The following P4HB variants were observed in gnomAD, a reference collection of about 807,000 sequenced individuals.
P4HB encodes the protein protein disulfide-isomerase.
P4HB carries 20 observed loss-of-function variants against 52.6 expected under a neutral mutation model. That is an observed-to-expected ratio of 0.38 (90% CI 0.27 to 0.55). The LOEUF (loss-of-function observed/expected upper bound fraction) is 0.55, where lower values mean the gene tolerates loss of function less well. P4HB is among the 20% of genes least tolerant of loss of function. The pLI is 0.74. For missense variants in P4HB, 601 were observed against 669.2 expected (o/e 0.90, Z 1.12); for synonymous variants, 296 against 277.9 (o/e 1.07, Z -0.65).
At chr17:81,845,264 C>T in intron 9 of P4HB, 34 bp from the exon 10 acceptor site, 2 of 1,549,814 alleles carry the variant, frequency 1.3e-6, no homozygotes, top group Non-Finnish European at 1.8e-6. Context: ...AGGGGCTGGT[C>T]CCGGCCCAGA....
Position 81,855,677 on chromosome 17 carries a change from G to A in P4HB, c.353-91C>T. The A allele has an allele frequency of 6.9e-7, 1 of 1,450,776 alleles. No individual in the cohort carries two copies. Among genetic ancestry groups the A allele is most frequent in the South Asian group, 1.3e-5 (1 of 77,140 alleles). The allele number at this position is 1,450,776 out of a possible 1,614,324, so 89.9% of individuals were successfully genotyped here. Reference sequence around the variant, plus strand: ...TCCCGTCTCTGCTCTCTGCCAGCCAGGCTGAGGACACCTGAATCAACCTAA... The same window carrying A: ...TCCCGTCTCTGCTCTCTGCCAGCCAAGCTGAGGACACCTGAATCAACCTAA... On this transcript the variant is annotated intron_variant, in intron 2 of 10. Transcript: ENST00000331483. This position sits in a 1 kb window ranked among gnomAD's most constrained non-coding sequence, Gnocchi z 4.3.
chr17:81,859,699 G>T, intron 1 of P4HB: 1 of 425,478 alleles, frequency 2.4e-6, no homozygotes, highest in Non-Finnish European at 4.4e-6. Context: ...ACTAAGGCAA[G>T]GATCTCCCCT....
rs2038763184 is a variant in P4HB, at chr17:81,847,922, T to C, written c.625-575A>G. ...GTCTTGATCTTTTTTTTTTTTTTTT[T>C]GTGATGGAGTCTTGCTGTGTCTCCC... On this transcript the variant is annotated intron_variant, in intron 4 of 10. Coordinates refer to ENST00000331483, the MANE Select transcript of P4HB (RefSeq NM_000918.4). The C allele has an allele frequency of 2.6e-5, 4 of 152,956 alleles. No individual in the cohort carries two copies. The South Asian group carries it at 8.0e-4, about 31-fold the overall frequency. The allele number at this position is 152,956 out of a possible 1,614,324, so 9.5% of individuals were successfully genotyped here. A position where few individuals can be genotyped will look rare whatever the true frequency, so the allele number is the denominator to read the frequency against.
Position 81,855,041 on chromosome 17 carries a change from G to C in P4HB, c.624+101C>G, listed in dbSNP as rs368977368. 8.4e-7 allele frequency: 1 copy of C among 1,186,008 alleles called. No individual in the cohort carries two copies. The highest frequency in any genetic ancestry group is 1.2e-6 in the Non-Finnish European group (1 of 805,992). 73.5% of individuals were successfully genotyped at this position (1,186,008 alleles called of 1,614,324 possible). On this transcript the variant is annotated intron_variant, in intron 4 of 10. Coordinates refer to ENST00000331483, the MANE Select transcript of P4HB (RefSeq NM_000918.4). This position sits in a 1 kb window ranked among gnomAD's most constrained non-coding sequence, Gnocchi z 4.3. ...TGCAGAACATACCTATTGGGCCAAA[G>C]GTGCCAGGAGCAAGGTTCCCTTAAC...
chr17:81,860,137 C>G, intron 1 of P4HB, 190 bp downstream of exon 1: 1 of 437,410 alleles, frequency 2.3e-6, no homozygotes, highest in Non-Finnish European at 3.9e-6. Context: ...CGGGACGGCC[C>G]CCCGGCTCCC....
At chr17:81,854,217 C>T (rs571285920) in intron 4 of P4HB, among the ~76,000 whole-genome samples, 3 of 152,380 alleles carry the variant, frequency 2.0e-5, no homozygotes, top group Non-Finnish European at 4.4e-5. Flanking sequence ...TGCTGCAGGA[C>T]GCTCTGAATG....
intron 10 of P4HB, 91 bp downstream of exon 10, chr17:81,845,053 T>C: frequency 9.3e-7 from 1 of 1,076,900 alleles, no homozygotes; most frequent in Non-Finnish European, 1.4e-6. Context: ...AATGGCACCA[T>C]TCCCATCACA....
intron 10 of P4HB, among the ~76,000 whole-genome samples, chr17:81,844,821 G>A (rs2038707847): frequency 6.6e-6 from 1 of 152,272 alleles, no homozygotes; most frequent in South Asian, 2.1e-4. Context: ...GCGGGCTGGG[G>A]ATGGACCTCT....
chr17:81,850,147 T>C (rs1459868762), intron 4 of P4HB, among the ~76,000 whole-genome samples: 1 of 151,336 alleles, frequency 6.6e-6, no homozygotes, highest in East Asian at 1.9e-4. Context: ...TTATTTTTTT[T>C]TTGAGACGGA....
Position 81,855,036 on chromosome 17 carries a change from C to G in P4HB, c.624+106G>C, listed in dbSNP as rs556664846. 1 of 1,132,650 alleles carries G rather than the reference C, an allele frequency of 8.8e-7. No individual in the cohort carries two copies. Among genetic ancestry groups the G allele is most frequent in the Admixed American group, 1.8e-5 (1 of 56,078 alleles). The allele number at this position is 1,132,650 out of a possible 1,614,324, so 70.2% of individuals were successfully genotyped here. ...AAAGCTGCAGAACATACCTATTGGG[C>G]CAAAGGTGCCAGGAGCAAGGTTCCC... On this transcript the variant is annotated intron_variant, in intron 4 of 10. Coordinates refer to ENST00000331483, the MANE Select transcript of P4HB (RefSeq NM_000918.4). This position sits in a 1 kb window ranked among gnomAD's most constrained non-coding sequence, Gnocchi z 4.3.
chr17:81,855,288 G>A lies in P4HB; in HGVS notation c.487-9C>T, dbSNP rs766827221. The A allele has an allele frequency of 8.7e-6, 14 of 1,613,646 alleles. No homozygotes were observed. The highest frequency in any genetic ancestry group is 1.2e-5 in the Non-Finnish European group (14 of 1,179,986). On this transcript the variant is annotated splice_polypyrimidine_tract_variant and intron_variant, in intron 3 of 10. Transcript: ENST00000331483. The surrounding 1 kb of genome is among the most constrained non-coding windows in gnomAD (Gnocchi z 4.3). ...GAGTCCGACTCCACGTCCTGAATGA[G>A]GAGGGAGAAGCAGAGGTCGTCATGA... is the stretch of plus-strand genomic sequence containing the variant.
At chr17:81,860,013 G>A in intron 1 of P4HB, 1 of 242,384 alleles carries the variant, frequency 4.1e-6, no homozygotes, top group Non-Finnish European at 7.9e-6. Flanking sequence ...TTCCGGGTCG[G>A]CCCCCGGGGA....
At chr17:81,849,449 T>C (rs2143331931) in intron 4 of P4HB, among the ~76,000 whole-genome samples, 1 of 152,250 alleles carries the variant, frequency 6.6e-6, no homozygotes, top group Admixed American at 6.5e-5. Context: ...TGAGCCCAGA[T>C]CGTGCCACTG....
In P4HB at chr17:81,860,443, G is replaced by T; in HGVS notation, c.29C>A (p.Ala10Asp). 7.2e-7 allele frequency: 1 copy of T among 1,391,462 alleles called. No individual in the cohort carries two copies. Among genetic ancestry groups the T allele is most frequent in the Non-Finnish European group, 9.4e-7 (1 of 1,068,422 alleles). 86.2% of individuals were successfully genotyped at this position (1,391,462 alleles called of 1,614,324 possible). The part of the protein sequence containing the change: MLRRALLCL[A>D]VAALVRADAP... Reference sequence around the variant, plus strand: ...GTCGGCGCGCACCAGGGCGGCCACGGCCAGGCACAGCAGAGCGCGGCGCAG... The same window carrying T: ...GTCGGCGCGCACCAGGGCGGCCACGTCCAGGCACAGCAGAGCGCGGCGCAG... The change falls in exon 1 of 11, where the codon GCC becomes GAC. Residue 10 changes from alanine (A) to aspartate (D), a missense_variant. Ala to Asp is a moderately radical substitution (Grantham distance 126, BLOSUM62 -2). Transcript: ENST00000331483.
rs201407315 is a variant in P4HB at position 81,845,125 on chromosome 17, G to T, written c.1446+19C>A. 1 of 1,591,056 alleles carries T rather than the reference G, an allele frequency of 6.3e-7. No homozygotes were observed. The highest frequency in any genetic ancestry group is 2.2e-5 in the East Asian group (1 of 44,766). On this transcript the variant is annotated intron_variant, in intron 10 of 10. Transcript: ENST00000331483. ...GGGCTGAATCCCAGAGACCAGCCCAGGGCTGTGACCCCACTCACGTCATCA... is the reference window on the plus strand; with the variant it reads ...GGGCTGAATCCCAGAGACCAGCCCATGGCTGTGACCCCACTCACGTCATCA...
chr17:81,854,985 G>T (rs923139058), intron 4 of P4HB, among the ~76,000 whole-genome samples, 157 bp downstream of exon 4: 1 of 152,084 alleles, frequency 6.6e-6, no homozygotes, highest in Non-Finnish European at 1.5e-5. Context: ...CAGGCCACAG[G>T]CATCAGCGCA....
chr17:81,846,796 G>T lies in P4HB; in HGVS notation c.855+151C>A. On this transcript the variant is annotated intron_variant, in intron 6 of 10. Transcript: ENST00000331483. This position sits in a 1 kb window ranked among gnomAD's most constrained non-coding sequence, Gnocchi z 5.7. ...TGACTGGGAGCAGAGGTCTGGCCTG[G>T]CTGGCCCCTCGCCTACATCCAGGCT... The T allele has an allele frequency of 1.6e-6, 2 of 1,226,342 alleles. No individual in the cohort carries two copies. Among genetic ancestry groups the T allele is most frequent in the Non-Finnish European group, 2.3e-6 (2 of 859,664 alleles). 76.0% of individuals were successfully genotyped at this position (1,226,342 alleles called of 1,614,324 possible). A position where few individuals can be genotyped will look rare whatever the true frequency, so the allele number is the denominator to read the frequency against.
chr17:81,847,490 T>A (rs538333346), intron 4 of P4HB, 143 bp from the exon 5 acceptor site: 1 of 705,172 alleles, frequency 1.4e-6, no homozygotes, highest in East Asian at 2.6e-5. Flanking sequence ...CAGCAATGGG[T>A]ACAGGACATG....
At position 81,845,872 on chromosome 17, in the gene P4HB, G is replaced by C; in HGVS notation, c.1176C>G (p.Phe392Leu). The C allele has an allele frequency of 6.2e-7, 1 of 1,614,012 alleles. No homozygotes were observed. The highest frequency in any genetic ancestry group is 2.2e-5 in the East Asian group (1 of 44,890). Residue 392 changes from phenylalanine to leucine, a missense_variant and splice_region_variant, in exon 8 of 11, where the codon TTC becomes TTG. Phe to Leu is a conservative substitution (Grantham distance 22). Coordinates refer to ENST00000331483, the MANE Select transcript of P4HB (RefSeq NM_000918.4). ...GGGAGCTGAAAGGGCAACACTTACA[G>C]AACTCCACAAAGACGTTTTTTTTCT... ...FDEKKNVFVEFYAPWCGHCKQ... is the reference protein window; with the variant it reads ...FDEKKNVFVELYAPWCGHCKQ...
Sources: gnomAD v4.1 joint callset for allele counts (sites outside exome capture counted in the v4.1 genomes callset) on GRCh38, gnomAD v4.1.1 for gene constraint, Gnocchi (gnomAD v3.1) non-coding constraint, MANE v1.5 for transcripts, NCBI Gene and HGNC (gene_info 2026-07-23, HGNC 2026-07-21) for gene names.